Variants in SAMD12 observed in about 807,000 individuals in gnomAD.
SAMD12 encodes the protein sterile alpha motif domain containing 12.
In SAMD12, 9 loss-of-function variants were observed where a neutral mutation model predicts 15.0. The observed-to-expected ratio is 0.60, with a 90% CI of 0.36 to 1.05. The LOEUF is 1.05. Among genes scored for constraint, SAMD12 ranks in the 50% least tolerant of loss-of-function variants. SAMD12 has a pLI of 0.01. For synonymous variants in SAMD12, 86 were observed against 90.1 expected, an observed-to-expected ratio of 0.96 and a Z score of 0.25; for missense variants, 230 against 234.2, an observed-to-expected ratio of 0.98 and a Z score of 0.12.
At chr8:118,168,101 T>C in the SAMD12 span, among the ~76,000 whole-genome samples, 2 of 152,204 alleles carry the variant, frequency 1.3e-5, no homozygotes, top group Non-Finnish European at 2.9e-5. Context: ...GGGTTTCTGC[T>C]TTTGCTTCCT....
At chr8:118,294,417 GGAA>G (rs1309773447) in intron 4 of SAMD12, among the ~76,000 whole-genome samples, 3 of 152,188 alleles carry the variant, frequency 2.0e-5, no homozygotes, top group Non-Finnish European at 4.4e-5. Flanking sequence ...TTTCACCAGA[GGAA>G]GAAGAGCTTC....
intron 2 of SAMD12, among the ~76,000 whole-genome samples, chr8:118,572,365 G>A (rs1292925324): frequency 6.6e-6 from 1 of 152,190 alleles, no homozygotes; most frequent in Non-Finnish European, 1.5e-5. Flanking sequence ...GCTAGAATGA[G>A]TTAAGACTAT....
intron 2 of SAMD12, among the ~76,000 whole-genome samples, chr8:118,508,041 T>TGG (rs1824971758): frequency 7.2e-6 from 1 of 137,968 alleles, no homozygotes; most frequent in South Asian, 2.6e-4. Context: ...TCAACCATGC[T>TGG]GGGGTGCAGT....
the SAMD12 span, among the ~76,000 whole-genome samples, chr8:118,163,829 C>T: frequency 1.3e-5 from 2 of 151,824 alleles, no homozygotes; most frequent in Admixed American, 1.3e-4. Flanking sequence ...GAGCCGAGAT[C>T]GCGCCACTGC....
rs115335332 is a variant in SAMD12 at position 118,394,384 on chromosome 8, A to T, written c.323-14684T>A. Among the ~76,000 whole-genome samples, 1,362 of 152,322 alleles carry T rather than the reference A, an allele frequency of 8.9e-3. 13 individuals carry two copies. Among genetic ancestry groups the T allele is most frequent in the Middle Eastern group, 0.034 (10 of 294 alleles). On this transcript the variant is annotated intron_variant, in intron 3 of 3. Coordinates refer to ENST00000314727, the MANE Select transcript of SAMD12 (RefSeq NM_207506.3). The stretch of plus-strand genomic sequence containing the variant: ...CCTTGGAACCTACAGGCAAAATACA[A>T]GGTGGCAAGTGCTAGAGTAAAGATG...
At chr8:118,402,217 C>T (rs1428789808) in intron 3 of SAMD12, among the ~76,000 whole-genome samples, 1 of 152,064 alleles carries the variant, frequency 6.6e-6, no homozygotes, top group African/African-American at 2.4e-5. Flanking sequence ...CTTATTAGAT[C>T]ATATATCAAA....
chr8:118,612,331 T>C (rs567040728), intron 1 of SAMD12, among the ~76,000 whole-genome samples: 1 of 152,346 alleles, frequency 6.6e-6, no homozygotes, highest in South Asian at 2.1e-4. Flanking sequence ...TGACAAATTC[T>C]TATTACAAGA....
intron 2 of SAMD12, among the ~76,000 whole-genome samples, chr8:118,577,186 G>T (rs1373013305): frequency 6.6e-6 from 1 of 152,080 alleles, no homozygotes; most frequent in Non-Finnish European, 1.5e-5. Flanking sequence ...TACTCTACTG[G>T]TTTCTCTTTG....
intron 4 of SAMD12, among the ~76,000 whole-genome samples, chr8:118,225,652 T>C (rs1812174356): frequency 6.6e-6 from 1 of 152,166 alleles, no homozygotes; most frequent in Non-Finnish European, 1.5e-5. Flanking sequence ...GGGAAGTTGA[T>C]TCAAACTCAG....
intron 2 of SAMD12, among the ~76,000 whole-genome samples, chr8:118,447,786 C>T (rs1331840779): frequency 1.3e-5 from 2 of 150,360 alleles, no homozygotes; most frequent in Admixed American, 6.6e-5. Flanking sequence ...AGTGCAGTGG[C>T]GCCATCTCGG....
the SAMD12 span, among the ~76,000 whole-genome samples, chr8:118,169,519 T>C: frequency 2.0e-5 from 3 of 152,212 alleles, no homozygotes; most frequent in East Asian, 1.9e-4. Flanking sequence ...TCTTTACTTA[T>C]ATAATGTAAG....
chr8:118,389,009 G>A (rs1443242888), intron 3 of SAMD12, among the ~76,000 whole-genome samples: 1 of 152,140 alleles, frequency 6.6e-6, no homozygotes, highest in Non-Finnish European at 1.5e-5. Flanking sequence ...AGTGGACAGG[G>A]ATAAGCTAGT....
intron 1 of SAMD12, among the ~76,000 whole-genome samples, chr8:118,590,285 C>T (rs898922982): frequency 2.0e-5 from 3 of 152,208 alleles, no homozygotes; most frequent in Non-Finnish European, 4.4e-5. Context: ...AAAGCCTAGA[C>T]TCACACCCTC....
chr8:118,535,888 G>GCCT (rs1460134468), intron 2 of SAMD12, among the ~76,000 whole-genome samples: 1 of 152,206 alleles, frequency 6.6e-6, no homozygotes, highest in African/African-American at 2.4e-5. Flanking sequence ...CTGACCCCTT[G>GCCT]CACTTCCCGG....
intron 2 of SAMD12, among the ~76,000 whole-genome samples, chr8:118,508,971 C>T (rs1805591515): frequency 6.6e-6 from 1 of 152,106 alleles, no homozygotes; most frequent in African/African-American, 2.4e-5. Flanking sequence ...TCTATAATAA[C>T]ATTTCATATT....
At chr8:118,543,232 C>T (rs1478142011) in intron 2 of SAMD12, among the ~76,000 whole-genome samples, 1 of 152,116 alleles carries the variant, frequency 6.6e-6, no homozygotes, top group African/African-American at 2.4e-5. Context: ...GGACATTCCC[C>T]AGAGTATGTG....
At chr8:118,152,581 C>T in the SAMD12 span, among the ~76,000 whole-genome samples, 2 of 151,890 alleles carry the variant, frequency 1.3e-5, no homozygotes, top group Non-Finnish European at 2.9e-5. Context: ...TCACTGCAAC[C>T]TTTGTTCACC....
intron 1 of SAMD12, among the ~76,000 whole-genome samples, chr8:118,620,085 T>G (rs1828353287): frequency 6.6e-6 from 1 of 152,226 alleles, no homozygotes; most frequent in South Asian, 2.1e-4. Context: ...TAAGTTCTTG[T>G]TTTTGTAAAG....
At chr8:118,223,670 A>G (rs1009394277) in intron 4 of SAMD12, among the ~76,000 whole-genome samples, 4 of 152,220 alleles carry the variant, frequency 2.6e-5, no homozygotes, top group Admixed American at 1.3e-4. Flanking sequence ...AGAACAATCA[A>G]TAGGGCTATA....
Sources: gnomAD v4.1 joint callset for allele counts (sites outside exome capture counted in the v4.1 genomes callset) on GRCh38, gnomAD v4.1.1 for gene constraint, MANE v1.5 for transcripts, NCBI Gene and HGNC (gene_info 2026-07-23, HGNC 2026-07-21) for gene names.